Variants in HIPK2 observed in about 807,000 individuals in gnomAD.
The protein encoded by HIPK2 is homeodomain interacting protein kinase 2.
Under a neutral mutation model 113.7 loss-of-function variants are expected in HIPK2, and 27 were observed. The observed-to-expected ratio is 0.24, with a 90% confidence interval of 0.17 to 0.33. The LOEUF (loss-of-function observed/expected upper bound fraction) is 0.33. HIPK2 is among the 10% of genes least tolerant of loss of function. The pLI is 1.00. For synonymous variants in HIPK2, 631 were observed against 642.2 expected (o/e 0.98, Z 0.26); for missense variants, 1,257 against 1,588.0 (o/e 0.79, Z 3.54).
intron 2 of HIPK2, among the ~76,000 whole-genome samples, chr7:139,641,442 A>G (rs753505238): frequency 6.6e-6 from 1 of 151,928 alleles, no homozygotes; most frequent in African/African-American, 2.4e-5. Context: ...GAGAAATACT[A>G]CCGTAACCTA....
At chr7:139,727,293 A>C (rs1795608160) in intron 1 of HIPK2, among the ~76,000 whole-genome samples, 1 of 152,180 alleles carries the variant, frequency 6.6e-6, no homozygotes, top group East Asian at 1.9e-4. Flanking sequence ...AAAACAGAGA[A>C]AGAGTGGCAG....
chr7:139,659,050 G>A (rs539446449), intron 2 of HIPK2, among the ~76,000 whole-genome samples: 4 of 151,448 alleles, frequency 2.6e-5, no homozygotes, highest in South Asian at 2.1e-4. Context: ...CATATTTCTC[G>A]CTGAGGCCGA....
intron 7 of HIPK2, among the ~76,000 whole-genome samples, chr7:139,617,090 G>A (rs1800078346): frequency 6.6e-6 from 1 of 152,214 alleles, no homozygotes; most frequent in African/African-American, 2.4e-5. Context: ...AGAAGCCCAT[G>A]TGAGGGCAAC....
At chr7:139,739,433 A>C (rs1796034404) in intron 1 of HIPK2, among the ~76,000 whole-genome samples, 1 of 152,100 alleles carries the variant, frequency 6.6e-6, no homozygotes, top group Non-Finnish European at 1.5e-5. Flanking sequence ...CTAAAAATAC[A>C]AAAAATAGCA....
Position 139,572,986 on chromosome 7 carries a change from T to C in HIPK2, c.3538A>G (p.Thr1180Ala), listed in dbSNP as rs1164315294. The C allele has an allele frequency of 1.4e-6, 2 of 1,405,304 alleles. No individual in the cohort carries two copies. The highest frequency in any genetic ancestry group is 1.9e-6 in the Non-Finnish European group (2 of 1,055,670). 87.1% of individuals were successfully genotyped at this position (1,405,304 alleles called of 1,614,324 possible). A position where few individuals can be genotyped will look rare whatever the true frequency, so the allele number is the denominator to read the frequency against. Residue 1180 changes from threonine to alanine, a missense_variant, in exon 15 of 15, where the codon ACC becomes GCC. Physicochemically the swap from Thr to Ala is moderately conservative, Grantham distance 58. Around this residue, in one of 5 missense-constraint regions of HIPK2, gnomAD observed 862 missense variants for 1,004.3 expected, o/e 0.86. Coordinates refer to ENST00000406875, the MANE Select transcript of HIPK2 (RefSeq NM_022740.5). ...QTYISASPASTVYTGYPLSPA... is the reference protein window; with the variant it reads ...QTYISASPASAVYTGYPLSPA... ...CTCAGTGGGTATCCAGTGTAGACGG[T>C]GGAGGCTGGCGAGGCGCTGATGTAG...
At chr7:139,771,372 T>G (rs1569486427) in intron 1 of HIPK2, among the ~76,000 whole-genome samples, 1 of 151,476 alleles carries the variant, frequency 6.6e-6, no homozygotes, top group Non-Finnish European at 1.5e-5. Flanking sequence ...AGGGGTGAAA[T>G]GCAAAGTGAT....
chr7:139,612,600 G>C (rs1292095126), intron 9 of HIPK2, among the ~76,000 whole-genome samples: 2 of 152,184 alleles, frequency 1.3e-5, no homozygotes, highest in Non-Finnish European at 2.9e-5. Flanking sequence ...TTTGTTATCA[G>C]GGTTCGAGTG....
chr7:139,737,306 G>C (rs922983718), intron 1 of HIPK2, among the ~76,000 whole-genome samples: 3 of 152,148 alleles, frequency 2.0e-5, no homozygotes, highest in Admixed American at 1.3e-4. Flanking sequence ...TAAGCCCGTT[G>C]ATTTCTTGTT....
At chr7:139,658,927 C>T (rs929133234) in intron 2 of HIPK2, among the ~76,000 whole-genome samples, 3 of 152,150 alleles carry the variant, frequency 2.0e-5, no homozygotes, top group Non-Finnish European at 4.4e-5. Flanking sequence ...TCCTATATAC[C>T]ACTCTCAGTG....
intron 1 of HIPK2, among the ~76,000 whole-genome samples, chr7:139,776,102 G>A (rs1239629227): frequency 6.6e-6 from 1 of 152,182 alleles, no homozygotes; most frequent in African/African-American, 2.4e-5. Context: ...CGCCCGACAT[G>A]GGTTCTCCCG....
intron 2 of HIPK2, among the ~76,000 whole-genome samples, chr7:139,652,041 A>G (rs1801480379): frequency 6.6e-6 from 1 of 152,212 alleles, no homozygotes; most frequent in African/African-American, 2.4e-5. Context: ...ACAAGATACA[A>G]TAATATACCC....
In HIPK2 at chr7:139,571,685, T is replaced by G. The variant is rs1369881622; in HGVS notation, c.*1242A>C. On this transcript the variant is annotated 3_prime_UTR_variant, in exon 15 of 15. Coordinates refer to ENST00000406875, the MANE Select transcript of HIPK2 (RefSeq NM_022740.5). ...GAAAAAGAAAAAAAAAAGGCCAGCG[T>G]AAACTGTTACAACAGCACAACAGAA... 1.3e-5 allele frequency: 2 copies of G among 151,946 alleles called. No homozygotes were observed. Among genetic ancestry groups the G allele is most frequent in the Admixed American group, 6.6e-5 (1 of 15,254 alleles). The allele number at this position is 151,946 out of a possible 1,614,324, so 9.4% of individuals were successfully genotyped here.
chr7:139,645,348 A>ACCAATT (rs1193278940), intron 2 of HIPK2, among the ~76,000 whole-genome samples: 1 of 152,210 alleles, frequency 6.6e-6, no homozygotes, highest in Non-Finnish European at 1.5e-5. Flanking sequence ...CCGGAGACAT[A>ACCAATT]CCAATTAAGA....
intron 1 of HIPK2, among the ~76,000 whole-genome samples, chr7:139,760,622 T>C (rs1796447335): frequency 6.6e-6 from 1 of 152,184 alleles, no homozygotes; most frequent in Non-Finnish European, 1.5e-5. Context: ...ATTTATAGGT[T>C]AAAGAAAAAA....
chr7:139,750,690 G>A (rs1656789350), intron 1 of HIPK2, among the ~76,000 whole-genome samples: 1 of 152,160 alleles, frequency 6.6e-6, no homozygotes, highest in South Asian at 2.1e-4. Flanking sequence ...GTTAGGCCTT[G>A]AGCTTCCAAT....
chr7:139,649,085 A>G (rs1200878193), intron 2 of HIPK2, among the ~76,000 whole-genome samples: 2 of 151,924 alleles, frequency 1.3e-5, no homozygotes, highest in East Asian at 3.9e-4. Context: ...AATGCAGGCC[A>G]TCTATCATAG....
At chr7:139,581,480 T>G (rs1484930366) in intron 13 of HIPK2, among the ~76,000 whole-genome samples, 1 of 152,232 alleles carries the variant, frequency 6.6e-6, no homozygotes, top group African/African-American at 2.4e-5. Context: ...GTTCATTCTG[T>G]TGCTTCCAAA....
intron 7 of HIPK2, among the ~76,000 whole-genome samples, chr7:139,618,930 G>A (rs6969652): frequency 6.6e-6 from 1 of 152,052 alleles, no homozygotes; most frequent in Non-Finnish European, 1.5e-5. Flanking sequence ...ACAAAACCAT[G>A]CTGATTTTTG....
chr7:139,746,385 AGTGCTCATCACGTATTACC>A lies in HIPK2; in HGVS notation c.20-29389_20-29371del, dbSNP rs534657057. ...TCAGGGTTTTCTCTTTGGGCCTAAC[AGTGCTCATCACGTATTACC>A]CTGCATCGCTTGATGTCTTTTGTTG... On this transcript the variant is annotated intron_variant, in intron 1 of 14. Coordinates refer to ENST00000406875, the MANE Select transcript of HIPK2 (RefSeq NM_022740.5). Among the ~76,000 whole-genome samples, 16 of 152,304 alleles carry A rather than the reference AGTGCTCATCACGTATTACC, an allele frequency of 1.1e-4. No individual in the cohort carries two copies. In the South Asian group the frequency reaches 3.3e-3, roughly 32 times the overall value.
Sources: gnomAD v4.1 joint callset for allele counts (sites outside exome capture counted in the v4.1 genomes callset) on GRCh38, gnomAD v4.1.1 for gene constraint, gnomAD v4.1.1 regional missense constraint, MANE v1.5 for transcripts, NCBI Gene and HGNC (gene_info 2026-07-23, HGNC 2026-07-21) for gene names.